DMD: variants seen among roughly 807,000 people sequenced by gnomAD.
DMD encodes mutant dystrophin.
Under a neutral mutation model 330.1 loss-of-function variants are expected in DMD, and 63 were observed. The ratio of observed to expected loss-of-function variants is 0.19; its 90% CI spans 0.16 to 0.24. The LOEUF (loss-of-function observed/expected upper bound fraction) is 0.24. Among genes scored for constraint, DMD ranks in the 10% least tolerant of loss-of-function variants. The probability of loss-of-function intolerance (pLI) is 1.00; values close to 1 mark genes in which losing one functional copy is unlikely to be tolerated. For missense variants in DMD, 3,344 were observed against 2,684.1 expected (o/e 1.25, Z -5.43); for synonymous variants, 1,223 against 959.8 (o/e 1.27, Z -5.07).
chrX:32,892,258 G>A (rs1210300118), intron 2 of DMD, among the ~76,000 whole-genome samples: 1 of 112,067 alleles, frequency 8.9e-6, no homozygotes, highest in African/African-American at 3.2e-5. Flanking sequence ...TCCAGTACTG[G>A]CAACATTACT....
At chrX:32,762,917 A>C (rs1487879458) in intron 7 of DMD, among the ~76,000 whole-genome samples, 3 of 112,153 alleles carry the variant, frequency 2.7e-5, no homozygotes, top group Non-Finnish European at 3.8e-5. Context: ...CTGCAATATT[A>C]GGAGGCTATG....
At chrX:31,187,334 T>C (rs777753334) in intron 67 of DMD, among the ~76,000 whole-genome samples, 2 of 112,459 alleles carry the variant, frequency 1.8e-5, no homozygotes, top group East Asian at 5.6e-4. Flanking sequence ...TGTCCATGCC[T>C]CTTCATTCCT....
In DMD at chrX:32,411,801, G is replaced by A. The variant is rs755981539; in HGVS notation, c.4184C>T (p.Ala1395Val). The change falls in exon 30 of 79, where the codon GCT becomes GTT. Residue 1395 changes from alanine (A) to valine (V), a missense_variant. Ala to Val is a moderately conservative substitution (Grantham distance 64, BLOSUM62 0). Transcript: ENST00000357033. ...TGCGTCCACCTTGTCTGCAATATAA[G>A]CTGCCAACTGCTTGTCAATGAATGT... ...SLTFIDKQLA[A>V]YIADKVDAAQ... 1.7e-6 allele frequency: 2 copies of A among 1,211,186 alleles called. No individual in the cohort carries two copies. Among genetic ancestry groups the A allele is most frequent in the Non-Finnish European group, 2.2e-6 (2 of 895,276 alleles).
intron 63 of DMD, among the ~76,000 whole-genome samples, chrX:31,252,269 G>A (rs1217044087): frequency 1.8e-5 from 2 of 112,111 alleles, no homozygotes; most frequent in Non-Finnish European, 3.8e-5. Context: ...AATCTCCTGT[G>A]CTAATTTTGT....
At chrX:32,120,162 A>T (rs1248884995) in intron 44 of DMD, among the ~76,000 whole-genome samples, 2 of 112,353 alleles carry the variant, frequency 1.8e-5, no homozygotes, top group African/African-American at 6.5e-5. Context: ...CTTCGACTTT[A>T]TGCTCACAAA....
chrX:33,009,664 A>G lies in DMD; in HGVS notation c.93+10475T>C, dbSNP rs375821968. ...TACACATATGTGTGTATACGTGTAT[A>G]TGTGTATACGTATATGTGTATATGC... On this transcript the variant is annotated intron_variant, in intron 2 of 78. Transcript: ENST00000357033. 4.3e-4 allele frequency among the ~76,000 whole-genome samples: 11 copies of G among 25,396 alleles called. 1 individual carries two copies. The highest frequency in any genetic ancestry group is 1.7e-3 in the South Asian group (1 of 606). The allele number at this position is 25,396 out of a possible 115,157, so 22.1% of individuals were successfully genotyped here.
intron 7 of DMD, among the ~76,000 whole-genome samples, chrX:32,787,862 T>C (rs2075524664): frequency 9.0e-6 from 1 of 111,278 alleles, no homozygotes; most frequent in African/African-American, 3.3e-5. Context: ...AGATCAGTTT[T>C]CCCTACAGGA....
chrX:31,971,099 C>T (rs767105692), intron 44 of DMD, among the ~76,000 whole-genome samples: 2 of 111,842 alleles, frequency 1.8e-5, no homozygotes, highest in Admixed American at 1.9e-4. Flanking sequence ...TCCGTGGAGG[C>T]ACCAAAATTC....
intron 1 of DMD, among the ~76,000 whole-genome samples, chrX:33,236,207 C>A (rs1344974298): frequency 9.3e-6 from 1 of 108,058 alleles, no homozygotes; most frequent in Non-Finnish European, 1.9e-5. Context: ...TGAGCCACTG[C>A]GCCTGTCCGT....
chrX:31,816,926 C>T (rs770835173), intron 50 of DMD, among the ~76,000 whole-genome samples: 8 of 111,570 alleles, frequency 7.2e-5, no homozygotes, highest in Non-Finnish European at 1.3e-4. Context: ...TGGCCAGCTG[C>T]ATCTGTATCT....
chrX:32,414,382 T>A (rs2098157950), intron 29 of DMD, among the ~76,000 whole-genome samples: 1 of 112,268 alleles, frequency 8.9e-6, no homozygotes, highest in Admixed American at 9.5e-5. Context: ...CATGATGTTT[T>A]AATATATGAA....
intron 52 of DMD, among the ~76,000 whole-genome samples, chrX:31,707,077 T>A (rs752321373): frequency 9.0e-6 from 1 of 111,247 alleles, no homozygotes; most frequent in East Asian, 2.8e-4. Flanking sequence ...TTTAAATCTT[T>A]TTATTTTTTC....
At chrX:33,107,333 CA>C (rs1221366989) in intron 1 of DMD, among the ~76,000 whole-genome samples, 2 of 57,933 alleles carry the variant, frequency 3.5e-5, no homozygotes, top group African/African-American at 5.6e-5. Context: ...CCAACACACA[CA>C]AAAAAAACAG....
intron 2 of DMD, among the ~76,000 whole-genome samples, chrX:32,870,461 G>A (rs2082860806): frequency 9.0e-6 from 1 of 111,699 alleles, no homozygotes; most frequent in African/African-American, 3.3e-5. Context: ...CCAAAAAGGA[G>A]CCCATATAGC....
chrX:31,597,735 T>C (rs1293908774), intron 55 of DMD, among the ~76,000 whole-genome samples: 1 of 111,908 alleles, frequency 8.9e-6, no homozygotes, highest in African/African-American at 3.2e-5. Context: ...TGAAGATAAA[T>C]AAGGAAGTCA....
chrX:31,757,370 C>T (rs981929963), intron 51 of DMD, among the ~76,000 whole-genome samples: 2 of 111,850 alleles, frequency 1.8e-5, no homozygotes, highest in Non-Finnish European at 3.8e-5. Flanking sequence ...CTAGATTCCC[C>T]TTTGGAAATG....
chrX:33,147,262 T>C (rs1329328197), intron 1 of DMD, among the ~76,000 whole-genome samples: 1 of 111,817 alleles, frequency 8.9e-6, no homozygotes, highest in Non-Finnish European at 1.9e-5. Flanking sequence ...ACAGAACTTC[T>C]AATAAAACAG....
chrX:33,098,434 C>G (rs1324576519), intron 1 of DMD, among the ~76,000 whole-genome samples: 1 of 111,275 alleles, frequency 9.0e-6, no homozygotes, highest in Non-Finnish European at 1.9e-5. Flanking sequence ...TTGAATGGGT[C>G]TGCTGTCATT....
intron 18 of DMD, among the ~76,000 whole-genome samples, chrX:32,516,114 T>C (rs1034190091): frequency 3.6e-5 from 4 of 111,374 alleles, no homozygotes; most frequent in Non-Finnish European, 1.9e-5. Flanking sequence ...AATGGATTAA[T>C]ACCACTCAAG....
Sources: allele counts gnomAD v4.1 joint callset (sites outside exome capture counted in the v4.1 genomes callset), GRCh38; gene constraint gnomAD v4.1.1; transcripts MANE v1.5; gene names NCBI Gene and HGNC (gene_info 2026-07-23, HGNC 2026-07-21).